The following ANKRD12 variants were observed in gnomAD, a reference collection of about 807,000 sequenced individuals.
ANKRD12 encodes the protein ankyrin repeat domain-containing protein 12.
Under a neutral mutation model 183.4 loss-of-function variants are expected in ANKRD12, and 85 were observed. The observed-to-expected ratio is 0.46, with a 90% confidence interval of 0.39 to 0.56. The LOEUF (loss-of-function observed/expected upper bound fraction) is 0.56. Ranked by LOEUF, ANKRD12 falls within the 20% of genes least tolerant of loss-of-function variation. The pLI is 0.00. For synonymous variants in ANKRD12, 914 were observed against 800.2 expected, an observed-to-expected ratio of 1.14 and a Z score of -2.40; for missense variants, 2,405 against 2,357.1, an observed-to-expected ratio of 1.02 and a Z score of -0.42.
chr18:9,272,066 A>G lies in ANKRD12; in HGVS notation c.5764-3458A>G, dbSNP rs138986438. On this transcript the variant is annotated intron_variant, in intron 10 of 12. Coordinates refer to ENST00000262126, the MANE Select transcript of ANKRD12 (RefSeq NM_015208.5). ...TTCCCCATGCTGCACTCTATCACCC[A>G]AGAAACTAAGAGGAAGCAATACATT... 3.9e-3 allele frequency among the ~76,000 whole-genome samples: 599 copies of G among 152,304 alleles called. 11 individuals carry two copies. Among genetic ancestry groups the G allele is most frequent in the African/African-American group, 0.014 (565 of 41,574 alleles).
chr18:9,278,022 G>A (rs1014871182), intron 11 of ANKRD12, among the ~76,000 whole-genome samples: 2 of 152,200 alleles, frequency 1.3e-5, no homozygotes, highest in Admixed American at 6.5e-5. Context: ...TTTTCACACT[G>A]TGTGAGACAG....
chr18:9,181,965 T>C lies in ANKRD12; in HGVS notation c.-51-417T>C, dbSNP rs143614407. ...GATTTTAAATGGGAAGGATTTAATGTAGGGAATTAGGTGTTGTAAAATTAC... is the reference window on the plus strand; with the variant it reads ...GATTTTAAATGGGAAGGATTTAATGCAGGGAATTAGGTGTTGTAAAATTAC... On this transcript the variant is annotated intron_variant, in intron 1 of 12. Transcript: ENST00000262126. Among the ~76,000 whole-genome samples, 1,140 of 152,264 alleles carry C rather than the reference T, an allele frequency of 7.5e-3. 13 individuals carry two copies. Among genetic ancestry groups the C allele is most frequent in the African/African-American group, 0.026 (1,066 of 41,562 alleles).
intron 1 of ANKRD12, among the ~76,000 whole-genome samples, chr18:9,157,840 T>C (rs1275565032): frequency 1.3e-5 from 2 of 151,834 alleles, no homozygotes; most frequent in African/African-American, 2.4e-5. Context: ...ACCAAAGATA[T>C]TAACAAAAAT....
intron 1 of ANKRD12, among the ~76,000 whole-genome samples, chr18:9,142,591 G>C (rs2078356503): frequency 6.6e-6 from 1 of 152,102 alleles, no homozygotes; most frequent in Non-Finnish European, 1.5e-5. Context: ...TTAATAATTA[G>C]TAGTAATGGG....
chr18:9,255,930 G>A lies in ANKRD12; in HGVS notation c.2663G>A (p.Ser888Asn), dbSNP rs562237152. 5 of 1,586,654 alleles carry A rather than the reference G, an allele frequency of 3.2e-6. No individual in the cohort carries two copies. The highest frequency in any genetic ancestry group is 4.5e-5 in the East Asian group (2 of 44,286). Residue 888 changes from serine to asparagine, a missense_variant, in exon 9 of 13, where the codon AGC (serine) becomes AAC (asparagine). Physicochemically the swap from Ser to Asn is conservative, Grantham distance 46. This residue lies in a region of ANKRD12 where 1,983 missense variants were observed against 1,725.9 expected (regional missense o/e 1.15). Transcript: ENST00000262126. Reference sequence around the variant, plus strand: ...AAATGCCATAAAGAAGGTGAGAAGAGCAAAAATACTGCTGCTATTAAAAAA... The same window carrying A: ...AAATGCCATAAAGAAGGTGAGAAGAACAAAAATACTGCTGCTATTAAAAAA... The part of the protein sequence containing the change: ...TEKCHKEGEK[S>N]KNTAAIKKTD...
At chr18:9,225,806 T>C (rs2036672448) in intron 8 of ANKRD12, among the ~76,000 whole-genome samples, 2 of 152,302 alleles carry the variant, frequency 1.3e-5, no homozygotes, top group South Asian at 2.1e-4. Flanking sequence ...CCATACATTA[T>C]TATGAAAATA....
intron 1 of ANKRD12, among the ~76,000 whole-genome samples, chr18:9,161,364 A>T (rs2143781476): frequency 6.7e-6 from 1 of 150,002 alleles, no homozygotes; most frequent in Non-Finnish European, 1.5e-5. Context: ...TTTTTATTTT[A>T]TTTTATTTAT....
rs1598527592 is a variant in ANKRD12 at position 9,198,394 on chromosome 18, G to C, written c.235+2696G>C. On this transcript the variant is annotated intron_variant, in intron 3 of 12. Transcript: ENST00000262126. The stretch of plus-strand genomic sequence containing the variant: ...TATGGTGAATGACAAAATTGTTTTT[G>C]GTCTGAATCACCCAGTGGTTATGGG... Among the ~76,000 whole-genome samples, 4 of 152,156 alleles carry C rather than the reference G, an allele frequency of 2.6e-5. 1 individual carries two copies. Among genetic ancestry groups the C allele is most frequent in the Admixed American group, 2.6e-4 (4 of 15,280 alleles).
chr18:9,142,597 A>C (rs2078357001), intron 1 of ANKRD12, among the ~76,000 whole-genome samples: 1 of 152,182 alleles, frequency 6.6e-6, no homozygotes, highest in Admixed American at 6.5e-5. Context: ...ATTAGTAGTA[A>C]TGGGCCAGGT....
chr18:9,242,555 A>T (rs931359712), intron 8 of ANKRD12, among the ~76,000 whole-genome samples: 43 of 152,182 alleles, frequency 2.8e-4, no homozygotes, highest in African/African-American at 1.0e-3. Flanking sequence ...CATGTAATGT[A>T]TATATTTATG....
intron 1 of ANKRD12, among the ~76,000 whole-genome samples, chr18:9,146,688 A>G (rs1025076086): frequency 1.3e-5 from 2 of 152,176 alleles, no homozygotes; most frequent in Non-Finnish European, 2.9e-5. Flanking sequence ...TCTCATCAAC[A>G]TGCTTTGGCA....
At chr18:9,243,149 A>G (rs1042082949) in intron 8 of ANKRD12, among the ~76,000 whole-genome samples, 7 of 152,234 alleles carry the variant, frequency 4.6e-5, no homozygotes, top group Middle Eastern at 3.2e-3. Context: ...GGCAACATAA[A>G]TAACAGTTAC....
intron 6 of ANKRD12, among the ~76,000 whole-genome samples, chr18:9,214,133 A>C (rs867733758): frequency 1.3e-5 from 2 of 152,016 alleles, no homozygotes; most frequent in African/African-American, 2.4e-5. Context: ...TCATAGATGA[A>C]CTGCATAGCC....
chr18:9,220,581 G>A (rs1234560473), intron 7 of ANKRD12, among the ~76,000 whole-genome samples: 2 of 152,190 alleles, frequency 1.3e-5, no homozygotes, highest in Non-Finnish European at 2.9e-5. Flanking sequence ...ACTGAGAATG[G>A]AAATAGATAA....
intron 10 of ANKRD12, among the ~76,000 whole-genome samples, chr18:9,273,133 C>A (rs1462489883): frequency 6.6e-6 from 1 of 152,172 alleles, no homozygotes; most frequent in East Asian, 1.9e-4. Context: ...GGGTTATCCC[C>A]ATTGATACTT....
chr18:9,225,177 T>G lies in ANKRD12; in HGVS notation c.943+3178T>G, dbSNP rs902566932. Among the ~76,000 whole-genome samples the G allele has an allele frequency of 5.2e-4, 19 of 36,210 alleles. 4 individuals carry two copies. The highest frequency in any genetic ancestry group is 1.0e-3 in the African/African-American group (17 of 16,910). The allele number at this position is 36,210 out of a possible 152,430, so 23.8% of individuals were successfully genotyped here. The stretch of plus-strand genomic sequence containing the variant: ...TATAGGGATAGAATAGTCATCTATT[T>G]AAAGTATTAATTTGGCCAGGCACAG... On this transcript the variant is annotated intron_variant, in intron 8 of 12. Transcript: ENST00000262126.
intron 5 of ANKRD12, among the ~76,000 whole-genome samples, chr18:9,211,148 G>A (rs143003432): frequency 1.1e-3 from 169 of 152,050 alleles, no homozygotes; most frequent in African/African-American, 4.0e-3. Context: ...TTATGACCTT[G>A]ATTTGCACAT....
At chr18:9,277,483 A>G (rs2039902771) in intron 11 of ANKRD12, among the ~76,000 whole-genome samples, 1 of 151,170 alleles carries the variant, frequency 6.6e-6, no homozygotes, top group Non-Finnish European at 1.5e-5. Context: ...GCCCGCCACC[A>G]CACCCGGCTA....
At chr18:9,272,393 T>A (rs2039647118) in intron 10 of ANKRD12, among the ~76,000 whole-genome samples, 1 of 151,908 alleles carries the variant, frequency 6.6e-6, no homozygotes, top group South Asian at 2.1e-4. Context: ...TGAAATCGCA[T>A]CTCTACTAAA....
Sources: allele counts gnomAD v4.1 joint callset (sites outside exome capture counted in the v4.1 genomes callset), GRCh38; gene constraint gnomAD v4.1.1; regional missense constraint gnomAD v4.1.1; transcripts MANE v1.5; gene names NCBI Gene and HGNC (gene_info 2026-07-23, HGNC 2026-07-21).